SLITRK6: variants seen among roughly 807,000 people sequenced by gnomAD.
SLITRK6 encodes the protein SLIT and NTRK-like protein 6.
In SLITRK6, 35 loss-of-function variants were observed where a neutral mutation model predicts 55.6. That is an observed-to-expected ratio of 0.63 (90% CI 0.48 to 0.83). The LOEUF (loss-of-function observed/expected upper bound fraction) is 0.83, where lower values mean the gene tolerates loss of function less well. Among genes scored for constraint, SLITRK6 ranks in the 40% least tolerant of loss-of-function variants. The pLI is 0.00. For synonymous variants in SLITRK6, 392 were observed against 359.6 expected, an observed-to-expected ratio of 1.09 and a Z score of -1.02; for missense variants, 977 against 986.4, an observed-to-expected ratio of 0.99 and a Z score of 0.13.
Position 85,794,172 on chromosome 13 carries a change from A to G in SLITRK6, c.2337T>C (p.Ile779=). 1 of 1,612,830 alleles carries G rather than the reference A, an allele frequency of 6.2e-7. No individual in the cohort carries two copies. Among genetic ancestry groups the G allele is most frequent in the Non-Finnish European group, 8.5e-7 (1 of 1,179,376 alleles). The change falls in exon 2 of 2, where the codon ATT becomes ATC. Residue 779 remains isoleucine, a synonymous_variant. Coordinates refer to ENST00000647374, the MANE Select transcript of SLITRK6 (RefSeq NM_032229.3). ...LGITEYLRKN[I]AQLQPDMEAH... ...CCTCCATATCAGGCTGGAGCTGAGC[A>G]ATGTTTTTCCTTAGGTATTCTGTGA...
In SLITRK6 at chr13:85,798,916, G is replaced by A. The variant is rs1874800692; in HGVS notation, c.-27C>T. 1 of 151,788 alleles carries A rather than the reference G, an allele frequency of 6.6e-6. No individual in the cohort carries two copies. The highest frequency in any genetic ancestry group is 1.5e-5 in the Non-Finnish European group (1 of 67,956). The allele number at this position is 151,788 out of a possible 1,614,324, so 9.4% of individuals were successfully genotyped here. A position where few individuals can be genotyped will look rare whatever the true frequency, so the allele number is the denominator to read the frequency against. ...AAGCCTGGAAACATTCATCTTACCT[G>A]TAAAGCAGAGACTCTTCCTGACGTT... On this transcript the variant is annotated splice_region_variant and 5_prime_UTR_variant, in exon 1 of 2. Transcript: ENST00000647374.
rs748894259 is a variant in SLITRK6, at chr13:85,796,072, T to C, written c.437A>G (p.Asn146Ser). The C allele has an allele frequency of 6.2e-7, 1 of 1,612,840 alleles. No homozygotes were observed. The highest frequency in any genetic ancestry group is 1.3e-5 in the African/African-American group (1 of 74,832). Residue 146 changes from asparagine (N) to serine (S), a missense_variant, in exon 2 of 2, where the codon AAT becomes AGT. Coordinates refer to ENST00000647374, the MANE Select transcript of SLITRK6 (RefSeq NM_032229.3). Reference protein sequence around the residue: ...ENLEFLQADNNFITVIEPSAF... With the variant: ...ENLEFLQADNSFITVIEPSAF... ...ACTTGGTTCAATCACTGTGATAAAA[T>C]TGTTATCTGCTTGCAGGAATTCCAG...
rs755231282 is a variant in SLITRK6 at position 85,794,243 on chromosome 13, A to G, written c.2266T>C (p.Tyr756His). Residue 756 changes from tyrosine to histidine, a missense_variant, in exon 2 of 2, where the codon TAC becomes CAC. By Grantham distance (83) the Tyr-to-His change is moderately conservative (BLOSUM62 2). Transcript: ENST00000647374. The part of the protein sequence containing the change: ...FLSFQDASSL[Y>H]RNILEKEREL... ...CTTTCTTTTTCTAAAATGTTTCTGT[A>G]CAATGAGCTGGCATCTTGGAAGGAT... is the stretch of plus-strand genomic sequence containing the variant. 6.2e-7 allele frequency: 1 copy of G among 1,613,098 alleles called. No homozygotes were observed. The highest frequency in any genetic ancestry group is 8.5e-7 in the Non-Finnish European group (1 of 1,179,498).
At position 85,795,499 on chromosome 13, in the gene SLITRK6, A is replaced by G. The variant is rs1566398337; in HGVS notation, c.1010T>C (p.Val337Ala). Residue 337 changes from valine to alanine, a missense_variant, in exon 2 of 2, where the codon GTC (valine) becomes GCC (alanine). Coordinates refer to ENST00000647374, the MANE Select transcript of SLITRK6 (RefSeq NM_032229.3). The part of the protein sequence containing the change: ...PYCPIPCNCK[V>A]LSPSGLLIHC... ...TATTAGAAGTCCTGATGGGGATAGG[A>G]CTTTGCAGTTACAAGGAATAGGGCA... is the stretch of plus-strand genomic sequence containing the variant. The G allele has an allele frequency of 6.2e-7, 1 of 1,613,032 alleles. No individual in the cohort carries two copies. Among genetic ancestry groups the G allele is most frequent in the East Asian group, 2.2e-5 (1 of 44,836 alleles).
At chr13:85,797,735 T>C (rs1232438691) in intron 1 of SLITRK6, among the ~76,000 whole-genome samples, 1 of 151,864 alleles carries the variant, frequency 6.6e-6, no homozygotes, top group Non-Finnish European at 1.5e-5. Context: ...CAAATGCATC[T>C]GAAACAGCAA....
At position 85,793,860 on chromosome 13, in the gene SLITRK6, C is replaced by A; in HGVS notation, c.*123G>T. 9.3e-7 allele frequency: 1 copy of A among 1,079,340 alleles called. No homozygotes were observed. The highest frequency in any genetic ancestry group is 1.3e-6 in the Non-Finnish European group (1 of 792,840). 66.9% of individuals were successfully genotyped at this position (1,079,340 alleles called of 1,614,324 possible). ...TTTCTTTTTCTTCTTCTTTTTTTTT[C>A]CCCATAGTTTACTGCTGTGCTTAGG... On this transcript the variant is annotated 3_prime_UTR_variant, in exon 2 of 2. Coordinates refer to ENST00000647374, the MANE Select transcript of SLITRK6 (RefSeq NM_032229.3).
In SLITRK6 at chr13:85,799,408, G is replaced by C. The variant is rs757382396; in HGVS notation, c.-519C>G. The C allele has an allele frequency of 6.6e-6, 1 of 152,004 alleles. No individual in the cohort carries two copies. Among genetic ancestry groups the C allele is most frequent in the Non-Finnish European group, 1.5e-5 (1 of 68,010 alleles). 9.4% of individuals were successfully genotyped at this position (152,004 alleles called of 1,614,324 possible). ...GATTGCCAAGGGCTGGGAGGTAGGCGTAAATAAAGAGACTTCTTGGCTTTT... is the reference window on the plus strand; with the variant it reads ...GATTGCCAAGGGCTGGGAGGTAGGCCTAAATAAAGAGACTTCTTGGCTTTT... On this transcript the variant is annotated 5_prime_UTR_variant, in exon 1 of 2. Transcript: ENST00000647374.
In SLITRK6 at chr13:85,793,062, C is replaced by T. The variant is rs900191527; in HGVS notation, c.*921G>A. The T allele has an allele frequency of 2.0e-5, 3 of 152,174 alleles. No homozygotes were observed. Among genetic ancestry groups the T allele is most frequent in the African/African-American group, 7.3e-5 (3 of 41,366 alleles). The allele number at this position is 152,174 out of a possible 1,614,324, so 9.4% of individuals were successfully genotyped here. ...AAAATAATTTTTCCTATTTACTTTA[C>T]AACTGTGAATTACTTGCCACAAGAA... On this transcript the variant is annotated 3_prime_UTR_variant, in exon 2 of 2. Coordinates refer to ENST00000647374, the MANE Select transcript of SLITRK6 (RefSeq NM_032229.3).
rs780493438 is a variant in SLITRK6, at chr13:85,794,622, C to G, written c.1887G>C (p.Val629=). The change falls in exon 2 of 2, where the codon GTG becomes GTC. Residue 629 remains valine, a synonymous_variant. Coordinates refer to ENST00000647374, the MANE Select transcript of SLITRK6 (RefSeq NM_032229.3). ...TTCTCCTGCGGTGAAGAACAAGAAC[C>G]ACTATCCCTGCAGCACAGAAAACAA... is the stretch of plus-strand genomic sequence containing the variant. ...ITIVFCAAGI[V]VLVLHRRRRY... 2 of 1,613,096 alleles carry G rather than the reference C, an allele frequency of 1.2e-6. No homozygotes were observed. The highest frequency in any genetic ancestry group is 1.7e-6 in the Non-Finnish European group (2 of 1,179,534).
In SLITRK6 at chr13:85,794,249, A is replaced by AG. The variant is rs2137168281; in HGVS notation, c.2259dup (p.Ser754LeufsTer32). On this transcript the variant is annotated frameshift_variant, in exon 2 of 2. Coordinates refer to ENST00000647374, the MANE Select transcript of SLITRK6 (RefSeq NM_032229.3). LOFTEE classifies it high-confidence loss of function. The stretch of plus-strand genomic sequence containing the variant: ...TTTTCTAAAATGTTTCTGTACAATG[A>AG]GCTGGCATCTTGGAAGGATAAAAAT... 1 of 1,613,194 alleles carries AG rather than the reference A, an allele frequency of 6.2e-7. No individual in the cohort carries two copies. Among genetic ancestry groups the AG allele is most frequent in the Admixed American group, 1.7e-5 (1 of 59,864 alleles).
Position 85,796,144 on chromosome 13 carries a change from T to C in SLITRK6, c.365A>G (p.Asn122Ser). 1 of 1,612,584 alleles carries C rather than the reference T, an allele frequency of 6.2e-7. No individual in the cohort carries two copies. Among genetic ancestry groups the C allele is most frequent in the Non-Finnish European group, 8.5e-7 (1 of 1,179,354 alleles). Residue 122 changes from asparagine (N) to serine (S), a missense_variant, in exon 2 of 2, where the codon AAT becomes AGT. Physicochemically the swap from Asn to Ser is conservative, Grantham distance 46. Transcript: ENST00000647374. ...ATCCTCTTTAAGAATTTCTAAAGAA[T>C]TGTGATTGATATGAAGTTGTTTCAG... ...GLLKQLHINH[N>S]SLEILKEDTF...
At position 85,793,389 on chromosome 13, in the gene SLITRK6, C is replaced by T. The variant is rs1181311995; in HGVS notation, c.*594G>A. ...CATGAGAGTGGCATTTGTTTAAGCT[C>T]AAATGTTCAAAGTTTTGAGCCACCC... On this transcript the variant is annotated 3_prime_UTR_variant, in exon 2 of 2. Coordinates refer to ENST00000647374, the MANE Select transcript of SLITRK6 (RefSeq NM_032229.3). The T allele has an allele frequency of 6.6e-6, 1 of 152,282 alleles. No individual in the cohort carries two copies. Among genetic ancestry groups the T allele is most frequent in the Admixed American group, 6.6e-5 (1 of 15,178 alleles). 9.4% of individuals were successfully genotyped at this position (152,282 alleles called of 1,614,324 possible). A position where few individuals can be genotyped will look rare whatever the true frequency, so the allele number is the denominator to read the frequency against.
At chr13:85,796,623 C>T (rs1874734554) in intron 1 of SLITRK6, 91 bp from the exon 2 acceptor site, 1 of 1,039,530 alleles carries the variant, frequency 9.6e-7, no homozygotes, top group Admixed American at 3.2e-5. Flanking sequence ...GGTTTTTCTC[C>T]AAAAAGCAAA....
chr13:85,797,268 G>A (rs1874756147), intron 1 of SLITRK6, among the ~76,000 whole-genome samples: 1 of 151,388 alleles, frequency 6.6e-6, no homozygotes. Context: ...ATTCAATCAA[G>A]GGTAGTTTGT....
chr13:85,793,557 A>T lies in SLITRK6; in HGVS notation c.*426T>A, dbSNP rs895321935. The T allele has an allele frequency of 1.3e-5, 2 of 155,942 alleles. No homozygotes were observed. Among genetic ancestry groups the T allele is most frequent in the Admixed American group, 6.4e-5 (1 of 15,542 alleles). The allele number at this position is 155,942 out of a possible 1,614,324, so 9.7% of individuals were successfully genotyped here. A position where few individuals can be genotyped will look rare whatever the true frequency, so the allele number is the denominator to read the frequency against. ...TTTTTGAAGTACATACTGGTTATAA[A>T]CAATGTATTCCTTACATATTATAAC... On this transcript the variant is annotated 3_prime_UTR_variant, in exon 2 of 2. Transcript: ENST00000647374.
chr13:85,794,607 G>A lies in SLITRK6; in HGVS notation c.1902C>T (p.His634=). The A allele has an allele frequency of 6.2e-7, 1 of 1,613,194 alleles. No homozygotes were observed. Among genetic ancestry groups the A allele is most frequent in the Non-Finnish European group, 8.5e-7 (1 of 1,179,516 alleles). The change falls in exon 2 of 2, where the codon CAC becomes CAT. Residue 634 remains histidine (H), a synonymous_variant. Coordinates refer to ENST00000647374, the MANE Select transcript of SLITRK6 (RefSeq NM_032229.3). ...GTTTCTTTTTGTATCTTCTCCTGCG[G>A]TGAAGAACAAGAACCACTATCCCTG... ...CAAGIVVLVL[H]RRRRYKKKQV... is the part of the protein sequence containing the mutation.
Position 85,794,834 on chromosome 13 carries a change from C to G in SLITRK6, c.1675G>C (p.Ala559Pro). 1 of 1,613,158 alleles carries G rather than the reference C, an allele frequency of 6.2e-7. No individual in the cohort carries two copies. Among genetic ancestry groups the G allele is most frequent in the East Asian group, 2.2e-5 (1 of 44,834 alleles). The change falls in exon 2 of 2, where the codon GCC becomes CCC. Residue 559 changes from alanine (A) to proline (P), a missense_variant. By Grantham distance (27) the Ala-to-Pro change is conservative. Coordinates refer to ENST00000647374, the MANE Select transcript of SLITRK6 (RefSeq NM_032229.3). ...PGHLDKKELKALNSEILCPGL... is the reference protein window; with the variant it reads ...PGHLDKKELKPLNSEILCPGL... ...GGACAGAGAATTTCACTATTTAGGG[C>G]TTTCAATTCCTTTTTGTCGAGATGC...
Position 85,795,813 on chromosome 13 carries a change from C to T in SLITRK6, c.696G>A (p.Trp232Ter). The T allele has an allele frequency of 6.2e-7, 1 of 1,612,906 alleles. No homozygotes were observed. Among genetic ancestry groups the T allele is most frequent in the South Asian group, 1.1e-5 (1 of 91,060 alleles). Reference sequence around the variant, plus strand: ...TAGACTGTGGAGGCATGTTCTCCAACCAAGTTTTTAACTGCAATAAGTCAC... The same window carrying T: ...TAGACTGTGGAGGCATGTTCTCCAATCAAGTTTTTAACTGCAATAAGTCAC... The part of the protein sequence containing the change: ...CNCDLLQLKT[W>*]LENMPPQSII... The change falls in exon 2 of 2, where the codon TGG (tryptophan) becomes TGA (stop). Residue 232 changes from tryptophan to a stop codon, truncating the protein, a stop_gained. Transcript: ENST00000647374. LOFTEE classifies it high-confidence loss of function.
Position 85,794,152 on chromosome 13 carries a change from A to T in SLITRK6, c.2357T>A (p.Met786Lys). The change falls in exon 2 of 2, where the codon ATG becomes AAG. Residue 786 changes from methionine to lysine, a missense_variant. Physicochemically the swap from Met to Lys is moderately conservative, Grantham distance 95 (BLOSUM62 -1). Transcript: ENST00000647374. ...GTGGGCTCCAGGATAATGTGCCTCC[A>T]TATCAGGCTGGAGCTGAGCAATGTT... Reference protein sequence around the residue: ...RKNIAQLQPDMEAHYPGAHEE... With the variant: ...RKNIAQLQPDKEAHYPGAHEE... 6 of 1,613,090 alleles carry T rather than the reference A, an allele frequency of 3.7e-6. No homozygotes were observed. The highest frequency in any genetic ancestry group is 5.1e-6 in the Non-Finnish European group (6 of 1,179,448).
Sources: gnomAD v4.1 joint callset for allele counts (sites outside exome capture counted in the v4.1 genomes callset) on GRCh38, gnomAD v4.1.1 for gene constraint, MANE v1.5 for transcripts, NCBI Gene and HGNC (gene_info 2026-07-23, HGNC 2026-07-21) for gene names.